GLIS3: variants seen among roughly 807,000 people sequenced by gnomAD.
GLIS3 encodes the protein zinc finger protein GLIS3.
In GLIS3, 53 loss-of-function variants were observed where a neutral mutation model predicts 78.6. The ratio of observed to expected loss-of-function variants is 0.67; its 90% CI spans 0.54 to 0.85. The LOEUF is 0.85. GLIS3 is among the 40% of genes least tolerant of loss of function. The pLI, the probability that GLIS3 is intolerant of heterozygous loss-of-function variation, is 0.00. For missense variants in GLIS3, 1,703 were observed against 1,231.1 expected (o/e 1.38, Z -5.74); for synonymous variants, 684 against 509.9 (o/e 1.34, Z -4.60).
intron 6 of GLIS3, among the ~76,000 whole-genome samples, chr9:3,928,120 C>A (rs1211246356): frequency 1.3e-5 from 2 of 152,204 alleles, no homozygotes; most frequent in Non-Finnish European, 2.9e-5. Context: ...AGTGCCGTTT[C>A]AATGTCATCC....
chr9:4,313,817 A>G (rs1817399635), intron 2 of GLIS3, among the ~76,000 whole-genome samples: 1 of 152,008 alleles, frequency 6.6e-6, no homozygotes, highest in African/African-American at 2.4e-5. Flanking sequence ...TGCATTTTCC[A>G]CTGGGTGTGT....
At chr9:4,042,134 T>G (rs548296091) in intron 4 of GLIS3, among the ~76,000 whole-genome samples, 1 of 152,284 alleles carries the variant, frequency 6.6e-6, no homozygotes, top group East Asian at 1.9e-4. Context: ...TTTTTGTTTT[T>G]TTTTTCTTTA....
chr9:4,221,505 T>G (rs999450750), intron 2 of GLIS3, among the ~76,000 whole-genome samples: 1 of 152,186 alleles, frequency 6.6e-6, no homozygotes, highest in African/African-American at 2.4e-5. Flanking sequence ...CTTAGATGAA[T>G]GGAAATGTAA....
the GLIS3 span, among the ~76,000 whole-genome samples, chr9:4,464,339 G>C: frequency 2.6e-5 from 4 of 151,228 alleles, no homozygotes; most frequent in South Asian, 8.4e-4. Context: ...ATTTCAATTT[G>C]TGATAGTAAT....
chr9:4,063,008 G>C (rs745803878), intron 4 of GLIS3, among the ~76,000 whole-genome samples: 53 of 151,860 alleles, frequency 3.5e-4, no homozygotes, highest in Non-Finnish European at 5.0e-4. Flanking sequence ...CTGTTATATG[G>C]ACCAAACACT....
the GLIS3 span, among the ~76,000 whole-genome samples, chr9:4,361,079 T>C: frequency 2.6e-5 from 4 of 152,340 alleles, no homozygotes; most frequent in East Asian, 3.9e-4. Context: ...ACTATTGTTA[T>C]TGGATGCTGT....
intron 2 of GLIS3, among the ~76,000 whole-genome samples, chr9:4,336,560 T>C (rs1817760483): frequency 6.6e-6 from 1 of 152,168 alleles, no homozygotes; most frequent in South Asian, 2.1e-4. Flanking sequence ...GAATATATAG[T>C]TTCCGTTTTA....
the GLIS3 span, among the ~76,000 whole-genome samples, chr9:4,396,788 A>AC: frequency 6.6e-6 from 1 of 152,176 alleles, no homozygotes; most frequent in South Asian, 2.1e-4. Flanking sequence ...AACCCAGGTT[A>AC]TAACTCTGTT....
At chr9:4,316,709 C>G (rs917484246) in intron 2 of GLIS3, among the ~76,000 whole-genome samples, 1 of 152,186 alleles carries the variant, frequency 6.6e-6, no homozygotes. Context: ...TGGTTCCTGC[C>G]TTGCCCCCTG....
intron 2 of GLIS3, among the ~76,000 whole-genome samples, chr9:4,207,382 A>AT (rs1398843485): frequency 6.6e-5 from 10 of 152,298 alleles, no homozygotes; most frequent in Admixed American, 6.5e-5. Flanking sequence ...ATCGCTGGTG[A>AT]TTTATGCTCC....
Position 3,869,324 on chromosome 9 carries a change from C to T in GLIS3, c.2297+10103G>A, listed in dbSNP as rs187387012. 7.2e-5 allele frequency among the ~76,000 whole-genome samples: 11 copies of T among 151,890 alleles called. No individual in the cohort carries two copies. The East Asian group carries it at 7.7e-4, about 11-fold the overall frequency. ...GCTGAGTGGTTTAAGATACCAACAT[C>T]GCTGATTACTCAGAAAGTCCTGGAG... On this transcript the variant is annotated intron_variant, in intron 8 of 10. Coordinates refer to ENST00000381971, the MANE Select transcript of GLIS3 (RefSeq NM_001042413.2).
chr9:4,274,631 A>G (rs1826821542), intron 2 of GLIS3, among the ~76,000 whole-genome samples: 1 of 152,166 alleles, frequency 6.6e-6, no homozygotes, highest in Admixed American at 6.5e-5. Flanking sequence ...ATGGGACTTC[A>G]CTAGCAAAAA....
intron 6 of GLIS3, among the ~76,000 whole-genome samples, chr9:3,917,136 T>C (rs1824564921): frequency 6.6e-6 from 1 of 152,192 alleles, no homozygotes; most frequent in South Asian, 2.1e-4. Flanking sequence ...CAATTCCAAA[T>C]TGGAAATACT....
rs376672567 is a variant in GLIS3, at chr9:4,282,253, G to C, written c.388+3785C>G. On this transcript the variant is annotated intron_variant, in intron 2 of 10. Coordinates refer to ENST00000381971, the MANE Select transcript of GLIS3 (RefSeq NM_001042413.2). ...GCCCCAAAGCAATGATACTGCTTTG[G>C]TTAAAATTTATGTGTCAACTTGACT... is the stretch of plus-strand genomic sequence containing the variant. Among the ~76,000 whole-genome samples the C allele has an allele frequency of 1.8e-3, 279 of 152,276 alleles. 12 individuals are homozygous for C. The South Asian group carries it at 0.053, about 29-fold the overall frequency.
At chr9:4,040,476 C>T (rs984089217) in intron 4 of GLIS3, among the ~76,000 whole-genome samples, 1 of 152,090 alleles carries the variant, frequency 6.6e-6, no homozygotes, top group Non-Finnish European at 1.5e-5. Flanking sequence ...AAGACATCCC[C>T]GCTGATAGTA....
At chr9:3,913,165 G>C (rs1824264839) in intron 6 of GLIS3, among the ~76,000 whole-genome samples, 3 of 152,184 alleles carry the variant, frequency 2.0e-5, no homozygotes, top group Admixed American at 2.0e-4. Flanking sequence ...AAAGTCAGTG[G>C]ATCTCATTTT....
intron 2 of GLIS3, among the ~76,000 whole-genome samples, chr9:4,229,716 G>A (rs1021987084): frequency 6.6e-6 from 1 of 152,188 alleles, no homozygotes; most frequent in Non-Finnish European, 1.5e-5. Flanking sequence ...GTAAAAGAAA[G>A]AGAACTCTAA....
chr9:4,173,690 G>A (rs1006218216), intron 2 of GLIS3, among the ~76,000 whole-genome samples: 3 of 151,466 alleles, frequency 2.0e-5, no homozygotes, highest in African/African-American at 7.3e-5. Flanking sequence ...TCAACCTCCT[G>A]GGATCAAAAG....
At position 3,932,844 on chromosome 9, in the gene GLIS3, C is replaced by T. The variant is rs74517445; in HGVS notation, c.1873-374G>A. 1.1e-3 allele frequency: 472 copies of T among 426,072 alleles called. 2 individuals carry two copies. Among genetic ancestry groups the T allele is most frequent in the African/African-American group, 8.9e-3 (432 of 48,756 alleles). 26.4% of individuals were successfully genotyped at this position (426,072 alleles called of 1,614,324 possible). A position where few individuals can be genotyped will look rare whatever the true frequency, so the allele number is the denominator to read the frequency against. Reference sequence around the variant, plus strand: ...TTTGGTACTGTCAGAAACTAGTAAACACATATTCTTTAAGGGTTCAGGTAA... The same window carrying T: ...TTTGGTACTGTCAGAAACTAGTAAATACATATTCTTTAAGGGTTCAGGTAA... On this transcript the variant is annotated intron_variant, in intron 5 of 10. Transcript: ENST00000381971.
Sources: allele counts gnomAD v4.1 joint callset (sites outside exome capture counted in the v4.1 genomes callset), GRCh38; gene constraint gnomAD v4.1.1; transcripts MANE v1.5; gene names NCBI Gene and HGNC (gene_info 2026-07-23, HGNC 2026-07-21).